Variants in OR14A2 observed in about 807,000 individuals in gnomAD.
The protein encoded by OR14A2 is olfactory receptor 14A2.
For missense variants in OR14A2, 237 were observed against 152.9 expected (o/e 1.55, Z -2.90); for synonymous variants, 114 against 58.6 (o/e 1.95, Z -4.32).
the OR14A2 span, among the ~76,000 whole-genome samples, chr1:247,741,707 C>G: frequency 6.6e-6 from 1 of 152,236 alleles, no homozygotes; most frequent in South Asian, 2.1e-4. Flanking sequence ...TACATTCAAA[C>G]CAAAGAAAGC....
chr1:247,736,319 T>C, the OR14A2 span, among the ~76,000 whole-genome samples: 1 of 152,288 alleles, frequency 6.6e-6, no homozygotes, highest in Admixed American at 6.5e-5. Flanking sequence ...CCAGCCTTCT[T>C]AGATACCCCT....
At chr1:247,734,372 A>C in the OR14A2 span, among the ~76,000 whole-genome samples, 7 of 152,266 alleles carry the variant, frequency 4.6e-5, 1 homozygote, top group Middle Eastern at 0.017. Context: ...AGAAACACCC[A>C]CTCACAGACG....
chr1:247,738,305 C>T, the OR14A2 span, among the ~76,000 whole-genome samples: 2 of 152,178 alleles, frequency 1.3e-5, no homozygotes, highest in African/African-American at 4.8e-5. Flanking sequence ...GCATAGCCAA[C>T]CCTGTAATTC....
the OR14A2 span, among the ~76,000 whole-genome samples, chr1:247,735,753 G>T: frequency 4.8e-4 from 73 of 152,204 alleles, 1 homozygote; most frequent in Admixed American, 4.8e-3. Context: ...GACAGAAATG[G>T]TCAATCAAAA....
the OR14A2 span, among the ~76,000 whole-genome samples, chr1:247,735,506 C>T: frequency 1.3e-5 from 2 of 152,154 alleles, no homozygotes; most frequent in South Asian, 2.1e-4. Flanking sequence ...TGTGGCATCA[C>T]GTCTCAGATC....
chr1:247,738,672 G>A, the OR14A2 span: 1 of 780,694 alleles, frequency 1.3e-6, no homozygotes, highest in Non-Finnish European at 2.4e-6. Context: ...TGAGAATTGG[G>A]TGCTCCTGAG....
chr1:247,736,789 CA>C, the OR14A2 span, among the ~76,000 whole-genome samples: 1 of 152,114 alleles, frequency 6.6e-6, no homozygotes, highest in East Asian at 1.9e-4. Flanking sequence ...GCAGGTCAAA[CA>C]AAGGAGGCTT....
At chr1:247,727,069 G>A (rs1317614441), upstream of OR14A2, among the ~76,000 whole-genome samples, 3 of 150,924 alleles carry the variant, frequency 2.0e-5, no homozygotes, top group Admixed American at 2.0e-4. Context: ...ATTCTGTGAA[G>A]AAAGTCATTG....
At chr1:247,737,960 C>T in the OR14A2 span, among the ~76,000 whole-genome samples, 1 of 151,966 alleles carries the variant, frequency 6.6e-6, no homozygotes, top group Non-Finnish European at 1.5e-5. Flanking sequence ...AAAAATGACA[C>T]TATATATTTG....
At chr1:247,739,290 A>G in the OR14A2 span, 2 of 780,768 alleles carry the variant, frequency 2.6e-6, no homozygotes, top group Non-Finnish European at 4.8e-6. Flanking sequence ...TGTGTTAAGG[A>G]TATCACAGAG....
At chr1:247,735,801 G>C in the OR14A2 span, among the ~76,000 whole-genome samples, 8 of 152,122 alleles carry the variant, frequency 5.3e-5, no homozygotes, top group African/African-American at 1.9e-4. Context: ...GGGTCTTGAA[G>C]CAGGAATCGG....
chr1:247,740,356 A>C, the OR14A2 span, among the ~76,000 whole-genome samples: 1 of 152,148 alleles, frequency 6.6e-6, no homozygotes, highest in Non-Finnish European at 1.5e-5. Context: ...TATGATTTCA[A>C]CTTACTTTTA....
At chr1:247,738,405 A>G in the OR14A2 span, among the ~76,000 whole-genome samples, 1 of 152,338 alleles carries the variant, frequency 6.6e-6, no homozygotes, top group African/African-American at 2.4e-5. Flanking sequence ...ATCTTAGTCC[A>G]GGACTACTAA....
At chr1:247,734,657 C>A in the OR14A2 span, among the ~76,000 whole-genome samples, 2 of 152,112 alleles carry the variant, frequency 1.3e-5, no homozygotes, top group African/African-American at 4.8e-5. Context: ...CTGTCAAAAT[C>A]CCTAGGAATA....
chr1:247,734,303 T>A, the OR14A2 span, among the ~76,000 whole-genome samples: 2 of 152,028 alleles, frequency 1.3e-5, no homozygotes, highest in African/African-American at 4.8e-5. Flanking sequence ...AGGAGAAGAT[T>A]CAGAGGAAAC....
chr1:247,736,766 G>T, the OR14A2 span, among the ~76,000 whole-genome samples: 1 of 152,028 alleles, frequency 6.6e-6, no homozygotes, highest in African/African-American at 2.4e-5. Flanking sequence ...ACTGCTCCAG[G>T]TTTTATTCCC....
chr1:247,734,385 G>A, the OR14A2 span, among the ~76,000 whole-genome samples: 1 of 152,154 alleles, frequency 6.6e-6, no homozygotes, highest in Non-Finnish European at 1.5e-5. Flanking sequence ...CACAGACGAC[G>A]TGTTTAAGCT....
chr1:247,729,561 T>G, the OR14A2 span, among the ~76,000 whole-genome samples: 1 of 152,118 alleles, frequency 6.6e-6, no homozygotes, highest in Non-Finnish European at 1.5e-5. Context: ...TTAAGTTACT[T>G]AAAATGGTTT....
chr1:247,732,984 G>A, the OR14A2 span, among the ~76,000 whole-genome samples: 13,641 of 152,122 alleles, frequency 0.09, 842 homozygotes, highest in African/African-American at 0.18. Flanking sequence ...GCCAATCCAG[G>A]AGAGATTCTT....
Sources: gnomAD v4.1 joint callset for allele counts (sites outside exome capture counted in the v4.1 genomes callset) on GRCh38, gnomAD v4.1.1 for gene constraint, MANE v1.5 for transcripts, NCBI Gene and HGNC (gene_info 2026-07-23, HGNC 2026-07-21) for gene names.